DMD: variants seen among roughly 807,000 people sequenced by gnomAD.
DMD encodes mutant dystrophin.
DMD carries 63 observed loss-of-function variants against 330.1 expected under a neutral mutation model. That is an observed-to-expected ratio of 0.19 (90% CI 0.16 to 0.24). The LOEUF is 0.24. Ranked by LOEUF, DMD falls within the 10% of genes least tolerant of loss-of-function variation. The probability of loss-of-function intolerance (pLI) is 1.00; values close to 1 mark genes in which losing one functional copy is unlikely to be tolerated. For missense variants in DMD, 3,344 were observed against 2,684.1 expected (o/e 1.25, Z -5.43); for synonymous variants, 1,223 against 959.8 (o/e 1.27, Z -5.07).
intron 52 of DMD, among the ~76,000 whole-genome samples, chrX:31,713,367 T>A (rs1366130260): frequency 2.7e-5 from 3 of 111,931 alleles, no homozygotes; most frequent in Non-Finnish European, 5.6e-5. Context: ...CAAGACACAG[T>A]CCCTGCTCTC....
chrX:33,149,327 T>C (rs1349257811), intron 1 of DMD, among the ~76,000 whole-genome samples: 1 of 110,885 alleles, frequency 9.0e-6, no homozygotes, highest in Non-Finnish European at 1.9e-5. Context: ...CACAATAGGG[T>C]TGTGCTCCTG....
At chrX:31,306,058 C>T (rs5972366) in intron 62 of DMD, among the ~76,000 whole-genome samples, 6,539 of 111,680 alleles carry the variant, frequency 0.059, 356 homozygotes, top group African/African-American at 0.17. Context: ...TCCCAGGTAG[C>T]TGGACATTTA....
chrX:33,310,164 C>T (rs923301522), intron 1 of DMD, among the ~76,000 whole-genome samples: 5 of 110,958 alleles, frequency 4.5e-5, no homozygotes, highest in African/African-American at 1.3e-4. Flanking sequence ...TGGATGTTTT[C>T]TTGAAACATC....
At position 32,304,277 on chromosome X, in the gene DMD, T is replaced by C. The variant is rs916135251; in HGVS notation, c.6117+5805A>G. Among the ~76,000 whole-genome samples the C allele has an allele frequency of 1.3e-4, 14 of 111,531 alleles. 1 individual carries two copies. Among genetic ancestry groups the C allele is most frequent in the African/African-American group, 4.2e-4 (13 of 30,816 alleles). On this transcript the variant is annotated intron_variant, in intron 42 of 78. Transcript: ENST00000357033. The stretch of plus-strand genomic sequence containing the variant: ...TAAGTTTTAATATGGAAGTTTCTGC[T>C]TTCTACACTTTACACGATGGGGATT...
At chrX:31,369,769 C>CAA (rs1046605464) in intron 60 of DMD, among the ~76,000 whole-genome samples, 4 of 111,292 alleles carry the variant, frequency 3.6e-5, no homozygotes, top group Non-Finnish European at 7.5e-5. Context: ...CCAGCCATTT[C>CAA]AAATAATTAT....
rs1334369486 is a variant in DMD, at chrX:31,197,624, G to GA, written c.9807+6336dup. ...GGAATACTAAGTACAACAGGAGGCA[G>GA]AAAACAGATGTAAAATAAACAGATT... On this transcript the variant is annotated intron_variant, in intron 67 of 78. Coordinates refer to ENST00000357033, the MANE Select transcript of DMD (RefSeq NM_004006.3). Among the ~76,000 whole-genome samples, 4 of 111,643 alleles carry GA rather than the reference G, an allele frequency of 3.6e-5. No homozygotes were observed. In the East Asian group the frequency reaches 1.1e-3, roughly 31 times the overall value.
chrX:33,020,611 T>A (rs924509168), intron 1 of DMD, among the ~76,000 whole-genome samples: 1 of 111,038 alleles, frequency 9.0e-6, no homozygotes, highest in Middle Eastern at 4.3e-3. Flanking sequence ...GAGGTGGAGG[T>A]TGCAGTGAGC....
chrX:32,076,791 C>G, intron 44 of DMD, among the ~76,000 whole-genome samples: 1 of 111,429 alleles, frequency 9.0e-6, no homozygotes, highest in Admixed American at 9.5e-5. Flanking sequence ...GATTCATAAA[C>G]CATGGGAGGG....
chrX:33,108,305 C>G (rs1305207668), intron 1 of DMD, among the ~76,000 whole-genome samples: 1 of 110,563 alleles, frequency 9.0e-6, no homozygotes, highest in Non-Finnish European at 1.9e-5. Context: ...TGTCACCTGT[C>G]ACCTAGGCTG....
rs142970587 is a variant in DMD, at chrX:33,122,523, G to T, written c.31+88759C>A. On this transcript the variant is annotated intron_variant, in intron 1 of 78. Transcript: ENST00000357033. ...TTTTTATTGGAAAGTAATTTTTCTA[G>T]ATTTCCTGATAATTGAGTGATAACT... 4.2e-4 allele frequency among the ~76,000 whole-genome samples: 47 copies of T among 111,927 alleles called. No individual in the cohort carries two copies. In the East Asian group the frequency reaches 0.012, roughly 29 times the overall value.
chrX:31,887,407 T>TA (rs201309415), intron 47 of DMD, among the ~76,000 whole-genome samples: 3,250 of 111,931 alleles, frequency 0.029, 54 homozygotes, highest in Middle Eastern at 0.051. Context: ...TGCCTTTATC[T>TA]AAAAAATGGT....
At chrX:32,890,436 TG>T (rs1289798471) in intron 2 of DMD, among the ~76,000 whole-genome samples, 2 of 40,245 alleles carry the variant, frequency 5.0e-5, no homozygotes, top group African/African-American at 2.0e-4. Flanking sequence ...TTAAGGCCTG[TG>T]GGGGGTGGGG....
chrX:31,154,371 C>T (rs1443452575), intron 74 of DMD, among the ~76,000 whole-genome samples: 1 of 110,248 alleles, frequency 9.1e-6, no homozygotes, highest in African/African-American at 3.3e-5. Flanking sequence ...TCTCAGCTCA[C>T]TGCAAGCTCT....
chrX:32,299,374 G>GA (rs1405808389), intron 42 of DMD, among the ~76,000 whole-genome samples: 1 of 110,476 alleles, frequency 9.1e-6, no homozygotes, highest in Non-Finnish European at 1.9e-5. Context: ...GGAAAAAAAA[G>GA]AAAAAACTGG....
rs771039648 is a variant in DMD at position 31,492,507 on chromosome X, T to G, written c.8547+4281A>C. 7.1e-5 allele frequency among the ~76,000 whole-genome samples: 8 copies of G among 112,019 alleles called. 1 individual carries two copies. In the East Asian group the frequency reaches 2.2e-3, roughly 31 times the overall value. On this transcript the variant is annotated intron_variant, in intron 57 of 78. Transcript: ENST00000357033. ...GAAGGAGAGTGTTTTGTGTCAAGAA[T>G]TTTTCTTAAAGATACCAAGAGAAGC...
intron 21 of DMD, among the ~76,000 whole-genome samples, chrX:32,483,370 T>A: frequency 9.4e-6 from 1 of 106,022 alleles, no homozygotes; most frequent in Non-Finnish European, 1.9e-5. Flanking sequence ...TAGGGATGGA[T>A]GGATGGATGG....
At chrX:32,731,067 C>G (rs5928073) in intron 7 of DMD, among the ~76,000 whole-genome samples, 62,155 of 110,479 alleles carry the variant, frequency 0.56, 14,527 homozygotes, top group African/African-American at 0.89. Flanking sequence ...CCGTGCGCGA[C>G]CCGAAGCAGG....
At chrX:32,812,178 CCATATCTGTGAA>C (rs2077416415) in intron 6 of DMD, among the ~76,000 whole-genome samples, 1 of 111,506 alleles carries the variant, frequency 9.0e-6, no homozygotes, top group South Asian at 3.7e-4. Flanking sequence ...AAAAAACTCT[CCATATCTGTGAA>C]CAGAGTCTAC....
chrX:32,096,932 G>A (rs959633476), intron 44 of DMD, among the ~76,000 whole-genome samples: 4 of 111,609 alleles, frequency 3.6e-5, no homozygotes, highest in African/African-American at 9.8e-5. Context: ...AAATCTACTA[G>A]AATAACGACA....
Sources: allele counts gnomAD v4.1 joint callset (sites outside exome capture counted in the v4.1 genomes callset), GRCh38; gene constraint gnomAD v4.1.1; transcripts MANE v1.5; gene names NCBI Gene and HGNC (gene_info 2026-07-23, HGNC 2026-07-21).